Variants in MMP26 observed in about 807,000 individuals in gnomAD.
MMP26 encodes matrix metallopeptidase 26.
A neutral mutation model predicts 31.0 loss-of-function variants in MMP26; 33 were observed. That is an observed-to-expected ratio of 1.06 (90% CI 0.81 to 1.42). MMP26 has a LOEUF of 1.42. MMP26 is among the 40% of genes most tolerant of loss of function. MMP26 has a pLI of 0.00. For synonymous variants in MMP26, 122 were observed against 114.9 expected, an observed-to-expected ratio of 1.06 and a Z score of -0.40; for missense variants, 347 against 316.1, an observed-to-expected ratio of 1.10 and a Z score of -0.74.
intron 2 of MMP26, among the ~76,000 whole-genome samples, chr11:4,828,185 G>A (rs1849603233): frequency 6.6e-6 from 1 of 152,156 alleles, no homozygotes; most frequent in Admixed American, 6.6e-5. Flanking sequence ...ATGTGAGGAA[G>A]CAGTGCTCCT....
chr11:4,807,706 A>G (rs781473541), intron 2 of MMP26, among the ~76,000 whole-genome samples: 3 of 152,222 alleles, frequency 2.0e-5, no homozygotes, highest in Non-Finnish European at 2.9e-5. Flanking sequence ...AACGTGGCAC[A>G]TGTATACATA....
chr11:4,923,579 T>C (rs1245916624), intron 2 of MMP26: 2 of 1,613,866 alleles, frequency 1.2e-6, no homozygotes, highest in Non-Finnish European at 1.7e-6. Context: ...CATGGGGATG[T>C]AGAAGAGCAG....
intron 2 of MMP26, among the ~76,000 whole-genome samples, chr11:4,982,602 C>T (rs999570743): frequency 6.6e-6 from 1 of 152,128 alleles, no homozygotes; most frequent in African/African-American, 2.4e-5. Context: ...ATACAAATAG[C>T]ACTTAACAAT....
intron 2 of MMP26, among the ~76,000 whole-genome samples, chr11:4,971,752 C>T (rs536962002): frequency 1.6e-4 from 25 of 152,256 alleles, no homozygotes; most frequent in Non-Finnish European, 3.1e-4. Flanking sequence ...AGAAACATGA[C>T]ACCAATATCT....
intron 1 of MMP26, chr11:4,710,666 T>C (rs1847849608): frequency 5.8e-6 from 2 of 343,674 alleles, no homozygotes; most frequent in African/African-American, 4.3e-5. Context: ...TACACAGTTC[T>C]AAATGGTGAG....
chr11:4,864,736 A>G (rs978727144), intron 2 of MMP26, among the ~76,000 whole-genome samples: 3 of 152,108 alleles, frequency 2.0e-5, no homozygotes, highest in Admixed American at 6.6e-5. Flanking sequence ...TGAGTGTTAA[A>G]CTGGTGACTT....
intron 2 of MMP26, among the ~76,000 whole-genome samples, chr11:4,794,428 C>T (rs1849076712): frequency 6.6e-6 from 1 of 152,112 alleles, no homozygotes; most frequent in African/African-American, 2.4e-5. Context: ...TGCAAGTCCC[C>T]CACCTAGTTC....
intron 1 of MMP26, among the ~76,000 whole-genome samples, chr11:4,708,371 C>T (rs1038718699): frequency 3.9e-5 from 6 of 152,158 alleles, no homozygotes; most frequent in African/African-American, 1.4e-4. Flanking sequence ...GAACACACTT[C>T]CTGTAACCAG....
chr11:4,744,500 T>C (rs1848354515), intron 1 of MMP26, among the ~76,000 whole-genome samples: 1 of 150,774 alleles, frequency 6.6e-6, no homozygotes, highest in African/African-American at 2.4e-5. Context: ...TGGATGCCCC[T>C]GTACTTACAT....
At chr11:4,975,550 T>G (rs868683857) in intron 2 of MMP26, among the ~76,000 whole-genome samples, 1 of 152,138 alleles carries the variant, frequency 6.6e-6, no homozygotes, top group Non-Finnish European at 1.5e-5. Flanking sequence ...AGTTCTTTCC[T>G]GCCAGGACGG....
At chr11:4,919,325 T>A (rs1851147184) in intron 2 of MMP26, 1 of 152,216 alleles carries the variant, frequency 6.6e-6, no homozygotes, top group African/African-American at 2.4e-5. Context: ...ACTCCTCGCA[T>A]ACCAAGGCTA....
intron 2 of MMP26, chr11:4,859,690 G>A (rs1850114061): frequency 2.1e-6 from 1 of 470,806 alleles, no homozygotes; most frequent in Admixed American, 2.4e-5. Context: ...GTAGACAATG[G>A]GGTTTAGCAC....
chr11:4,952,152 A>G (rs1846380295), intron 2 of MMP26, among the ~76,000 whole-genome samples: 1 of 123,516 alleles, frequency 8.1e-6, no homozygotes, highest in Non-Finnish European at 1.8e-5. Flanking sequence ...ATAAATCATC[A>G]CCTCCCCCAT....
intron 2 of MMP26, among the ~76,000 whole-genome samples, chr11:4,922,579 C>A (rs986033277): frequency 4.6e-5 from 7 of 152,118 alleles, no homozygotes; most frequent in Admixed American, 3.3e-4. Context: ...TTTCTTCATG[C>A]AGACTTTGTT....
At chr11:4,871,325 A>C (rs1850307446) in intron 2 of MMP26, among the ~76,000 whole-genome samples, 2 of 152,142 alleles carry the variant, frequency 1.3e-5, no homozygotes, top group African/African-American at 4.8e-5. Context: ...CAGAAAAGAG[A>C]ATGGGACAAT....
In MMP26 at chr11:4,849,183, G is replaced by A. The variant is rs576440517; in HGVS notation, c.-145+81842G>A. 60 of 1,611,950 alleles carry A rather than the reference G, an allele frequency of 3.7e-5. No individual in the cohort carries two copies. In the East Asian group the frequency reaches 8.0e-4, roughly 22 times the overall value. Reference sequence around the variant, plus strand: ...GGCCATTGAAGTGCTGCTATTGGGGGCTATCTGAGTTGGTAATGTTGACAT... The same window carrying A: ...GGCCATTGAAGTGCTGCTATTGGGGACTATCTGAGTTGGTAATGTTGACAT... On this transcript the variant is annotated intron_variant, in intron 2 of 7. Transcript: ENST00000380390.
At chr11:4,908,120 T>A in intron 2 of MMP26, 1 of 1,614,236 alleles carries the variant, frequency 6.2e-7, no homozygotes, top group Non-Finnish European at 8.5e-7. Flanking sequence ...GCTCACCTTC[T>A]ATGTGCCCAT....
chr11:4,717,345 C>A (rs1847948245), intron 1 of MMP26, among the ~76,000 whole-genome samples: 1 of 152,038 alleles, frequency 6.6e-6, no homozygotes, highest in South Asian at 2.1e-4. Flanking sequence ...AGCTAACATC[C>A]AAGATAGATT....
chr11:4,791,021 C>T (rs1425954505), intron 2 of MMP26, among the ~76,000 whole-genome samples: 1 of 152,068 alleles, frequency 6.6e-6, no homozygotes, highest in Non-Finnish European at 1.5e-5. Context: ...CCTAATATTC[C>T]AACATCCTGC....
Sources: allele counts gnomAD v4.1 joint callset (sites outside exome capture counted in the v4.1 genomes callset), GRCh38; gene constraint gnomAD v4.1.1; transcripts MANE v1.5; gene names NCBI Gene and HGNC (gene_info 2026-07-23, HGNC 2026-07-21).